Variants in DCAF1 observed in about 807,000 individuals in gnomAD.
DCAF1 encodes the protein DDB1 and CUL4 associated factor 1.
DCAF1 carries 15 observed loss-of-function variants against 128.0 expected under a neutral mutation model. The observed-to-expected ratio is 0.12, with a 90% CI of 0.08 to 0.18. The LOEUF is 0.18. DCAF1 is among the 10% of genes least tolerant of loss of function. The pLI, the probability that DCAF1 is intolerant of heterozygous loss-of-function variation, is 1.00. For missense variants in DCAF1, 988 were observed against 1,649.5 expected, an observed-to-expected ratio of 0.60 and a Z score of 6.95; for synonymous variants, 610 against 603.0, an observed-to-expected ratio of 1.01 and a Z score of -0.17.
chr3:51,446,586 G>A lies in DCAF1; in HGVS notation c.376-2683C>T, dbSNP rs187352525. 4.6e-5 allele frequency among the ~76,000 whole-genome samples: 7 copies of A among 152,064 alleles called. No individual in the cohort carries two copies. The East Asian group carries it at 1.4e-3, about 29-fold the overall frequency. ...TTCAAGGCTGCAGTGAGCTAGGACT[G>A]AGCCACTGCACTCCAGCCTGGGTGA... On this transcript the variant is annotated intron_variant, in intron 6 of 24. Transcript: ENST00000684031.
chr3:51,444,896 C>T (rs922755540), intron 6 of DCAF1, among the ~76,000 whole-genome samples: 3 of 147,458 alleles, frequency 2.0e-5, no homozygotes, highest in Non-Finnish European at 3.0e-5. Context: ...AGGATGGTCT[C>T]GATCTCCTGA....
intron 3 of DCAF1, among the ~76,000 whole-genome samples, chr3:51,478,108 ATCC>A (rs781877034): frequency 6.6e-5 from 10 of 152,048 alleles, no homozygotes; most frequent in Non-Finnish European, 1.3e-4. Flanking sequence ...GGCTCAAGCA[ATCC>A]TCCTACCTCA....
At chr3:51,477,129 G>A (rs950070733) in intron 3 of DCAF1, among the ~76,000 whole-genome samples, 4 of 151,860 alleles carry the variant, frequency 2.6e-5, no homozygotes, top group Non-Finnish European at 5.9e-5. Flanking sequence ...ACCAAAGCCA[G>A]CCCCTTTCAA....
downstream of DCAF1, chr3:51,397,571 A>C (rs1274875912): frequency 2.4e-5 from 4 of 167,140 alleles, no homozygotes; most frequent in Non-Finnish European, 5.9e-5. Context: ...TGCTGGATCC[A>C]GAACATGACA....
intron 6 of DCAF1, among the ~76,000 whole-genome samples, chr3:51,451,066 A>ACTCTTTTTTTTT (rs1553641391): frequency 3.1e-5 from 1 of 32,760 alleles, no homozygotes; most frequent in Non-Finnish European, 6.8e-5. Context: ...TAAAAAGGAA[A>ACTCTTTTTTTTT]TTCTTTTTTT....
At chr3:51,416,414 C>T (rs1331522221) in intron 18 of DCAF1, among the ~76,000 whole-genome samples, 1 of 152,208 alleles carries the variant, frequency 6.6e-6, no homozygotes, top group Admixed American at 6.5e-5. Flanking sequence ...CACCACCAAG[C>T]ATTTCCTACC....
chr3:51,466,640 A>G (rs767455519), intron 5 of DCAF1, among the ~76,000 whole-genome samples, 163 bp downstream of exon 5: 2 of 152,190 alleles, frequency 1.3e-5, no homozygotes, highest in African/African-American at 2.4e-5. Flanking sequence ...ATCAAAGTAC[A>G]TACCAAAGAG....
chr3:51,441,953 T>A, intron 7 of DCAF1, 56 bp from the exon 8 acceptor site: 1 of 1,516,906 alleles, frequency 6.6e-7, no homozygotes, highest in East Asian at 2.3e-5. Context: ...GATTAAGTAA[T>A]CCTTAATAAT....
intron 6 of DCAF1, among the ~76,000 whole-genome samples, chr3:51,462,057 TATA>T (rs1360593677): frequency 1.3e-5 from 2 of 150,030 alleles, no homozygotes; most frequent in Admixed American, 6.6e-5. Context: ...AAACTTAAAG[TATA>T]ATAATAATAA....
chr3:51,397,795 A>G (rs1370869934), downstream of DCAF1: 1 of 167,112 alleles, frequency 6.0e-6, no homozygotes, highest in Non-Finnish European at 1.5e-5. Flanking sequence ...GAGCTGCAAA[A>G]AAGGGACACA....
chr3:51,488,573 C>G (rs189383754), intron 2 of DCAF1, among the ~76,000 whole-genome samples: 6 of 152,254 alleles, frequency 3.9e-5, no homozygotes, highest in Admixed American at 1.3e-4. Flanking sequence ...GAGGCCAAGG[C>G]AGGCAGATCA....
chr3:51,487,230 A>G (rs912216601), intron 2 of DCAF1, among the ~76,000 whole-genome samples: 3 of 152,272 alleles, frequency 2.0e-5, no homozygotes, highest in Middle Eastern at 3.4e-3. Flanking sequence ...TCAGCTTCCT[A>G]AAGTGCTGGG....
chr3:51,464,760 G>C (rs1221305793), intron 5 of DCAF1, among the ~76,000 whole-genome samples: 1 of 151,912 alleles, frequency 6.6e-6, no homozygotes, highest in Non-Finnish European at 1.5e-5. Flanking sequence ...GATTACCGAA[G>C]CCCCTAGGAG....
chr3:51,427,246 AGAT>A, intron 13 of DCAF1, 123 bp downstream of exon 13: 1 of 566,146 alleles, frequency 1.8e-6, no homozygotes, highest in Non-Finnish European at 3.2e-6. Context: ...CTAATTTCTC[AGAT>A]TCAAGTCCAA....
At chr3:51,476,259 C>T (rs1156682361) in intron 3 of DCAF1, among the ~76,000 whole-genome samples, 7 of 151,516 alleles carry the variant, frequency 4.6e-5, no homozygotes, top group South Asian at 2.1e-4. Flanking sequence ...GGCATGGTGG[C>T]GGGCGCCTAT....
chr3:51,493,014 A>G (rs1707835587), intron 2 of DCAF1, among the ~76,000 whole-genome samples: 1 of 151,992 alleles, frequency 6.6e-6, no homozygotes, highest in South Asian at 2.1e-4. Flanking sequence ...ATAAATAAAT[A>G]AAAGAAATGT....
At chr3:51,431,840 G>A (rs1553635660) in intron 10 of DCAF1, among the ~76,000 whole-genome samples, 2 of 151,942 alleles carry the variant, frequency 1.3e-5, no homozygotes, top group South Asian at 4.2e-4. Flanking sequence ...GTGTGGTGGT[G>A]CACGTCTGTG....
intron 6 of DCAF1, among the ~76,000 whole-genome samples, chr3:51,462,190 A>G (rs1371239037): frequency 6.6e-6 from 1 of 152,144 alleles, no homozygotes; most frequent in Non-Finnish European, 1.5e-5. Flanking sequence ...TGGGAGGCCA[A>G]GGAGGGTGGA....
chr3:51,443,523 G>A (rs1553639458), intron 7 of DCAF1, among the ~76,000 whole-genome samples: 1 of 151,590 alleles, frequency 6.6e-6, no homozygotes, highest in Non-Finnish European at 1.5e-5. Flanking sequence ...CCGGGAGGCA[G>A]AGGTTGCAAT....
Sources: allele counts gnomAD v4.1 joint callset (sites outside exome capture counted in the v4.1 genomes callset), GRCh38; gene constraint gnomAD v4.1.1; transcripts MANE v1.5; gene names NCBI Gene and HGNC (gene_info 2026-07-23, HGNC 2026-07-21).